The following SUPT5H variants were observed in gnomAD, a reference collection of about 807,000 sequenced individuals.
SUPT5H encodes transcription elongation factor SPT5.
SUPT5H carries 24 observed loss-of-function variants against 142.5 expected under a neutral mutation model. That is an observed-to-expected ratio of 0.17 (90% CI 0.12 to 0.24). SUPT5H has a LOEUF of 0.24. SUPT5H is among the 10% of genes least tolerant of loss of function. SUPT5H has a pLI of 1.00. For synonymous variants in SUPT5H, 546 were observed against 553.0 expected, an observed-to-expected ratio of 0.99 and a Z score of 0.18; for missense variants, 893 against 1,471.8, an observed-to-expected ratio of 0.61 and a Z score of 6.43.
intron 10 of SUPT5H, among the ~76,000 whole-genome samples, chr19:39,462,230 T>C (rs1452604131): frequency 1.3e-5 from 2 of 152,108 alleles, no homozygotes; most frequent in Non-Finnish European, 2.9e-5. Flanking sequence ...TTTTTTAAAG[T>C]GTAAACTGTG....
intron 2 of SUPT5H, among the ~76,000 whole-genome samples, chr19:39,446,353 C>T (rs577411099): frequency 1.3e-5 from 2 of 152,054 alleles, no homozygotes; most frequent in Admixed American, 6.5e-5. Flanking sequence ...TGTCTGCCTT[C>T]GGGAATGTAA....
At position 39,468,531 on chromosome 19, in the gene SUPT5H, G is replaced by A. The variant is rs1364740637; in HGVS notation, c.1038-225G>A. 4 of 574,124 alleles carry A rather than the reference G, an allele frequency of 7.0e-6. No homozygotes were observed. In the East Asian group the frequency reaches 1.2e-4, roughly 17 times the overall value. 35.6% of individuals were successfully genotyped at this position (574,124 alleles called of 1,614,324 possible). ...ACACTAGATTGTCAGATGGTGATCG[G>A]TGCTCAAAGATAAATCAGGGAATGG... On this transcript the variant is annotated intron_variant, in intron 13 of 29. Coordinates refer to ENST00000432763, the MANE Select transcript of SUPT5H (RefSeq NM_001111020.3).
intron 3 of SUPT5H, among the ~76,000 whole-genome samples, chr19:39,453,977 T>C (rs910763120): frequency 5.3e-5 from 8 of 152,226 alleles, no homozygotes; most frequent in African/African-American, 1.9e-4. Flanking sequence ...GAGGACAATT[T>C]ATTGAAGTAC....
At chr19:39,463,353 G>A (rs1048498516) in intron 10 of SUPT5H, among the ~76,000 whole-genome samples, 1 of 151,968 alleles carries the variant, frequency 6.6e-6, no homozygotes, top group Non-Finnish European at 1.5e-5. Context: ...TCTAAGCATG[G>A]CTTTTTTCAA....
Position 39,465,007 on chromosome 19 carries a change from G to A in SUPT5H, c.834G>A (p.Trp278Ter). ...KEVANLKPKS[W>*]VRLKRGIYKD... ...TGGCCAACCTGAAACCAAAGTCCTGGGTCCGCCTCAAGCGGGGCATCTACA... is the reference window on the plus strand; with the variant it reads ...TGGCCAACCTGAAACCAAAGTCCTGAGTCCGCCTCAAGCGGGGCATCTACA... Residue 278 changes from tryptophan to a stop codon, truncating the protein, a stop_gained, in exon 11 of 30, where the codon TGG (tryptophan) becomes TGA (stop). Coordinates refer to ENST00000432763, the MANE Select transcript of SUPT5H (RefSeq NM_001111020.3). LOFTEE classifies it high-confidence loss of function. 6.2e-7 allele frequency: 1 copy of A among 1,614,206 alleles called. No individual in the cohort carries two copies. The highest frequency in any genetic ancestry group is 8.5e-7 in the Non-Finnish European group (1 of 1,180,016).
intron 10 of SUPT5H, among the ~76,000 whole-genome samples, chr19:39,461,997 G>C (rs989590563): frequency 6.6e-6 from 1 of 151,354 alleles, no homozygotes; most frequent in Non-Finnish European, 1.5e-5. Context: ...GCAATGGTGT[G>C]GTCTCGGCTC....
rs371480690 is a variant in SUPT5H, at chr19:39,474,660, G to A, written c.2966G>A (p.Arg989Gln). ...WVTTDIQVKV[R>Q]DTYLDTQVVG... ...ACCACTGACATTCAGGTGAAGGTGC[G>A]GGACACCTACCTGGATACACAGGTG... The change falls in exon 28 of 30, where the codon CGG (arginine) becomes CAG (glutamine). Residue 989 changes from arginine (R) to glutamine (Q), a missense_variant. Physicochemically the swap from Arg to Gln is conservative, Grantham distance 43. Transcript: ENST00000432763. The surrounding 1 kb of genome is among the most constrained non-coding windows in gnomAD (Gnocchi z 6.5). 5.0e-6 allele frequency: 8 copies of A among 1,614,056 alleles called. No individual in the cohort carries two copies. The highest frequency in any genetic ancestry group is 1.6e-4 in the Middle Eastern group (1 of 6,062).
At chr19:39,461,352 T>C (rs2079158747) in intron 10 of SUPT5H, among the ~76,000 whole-genome samples, 2 of 151,830 alleles carry the variant, frequency 1.3e-5, no homozygotes, top group African/African-American at 4.8e-5. Context: ...CTGCCTGTCA[T>C]GGGTGAGATT....
chr19:39,476,472 C>T lies in SUPT5H; in HGVS notation c.*73C>T. On this transcript the variant is annotated 3_prime_UTR_variant, in exon 30 of 30. Transcript: ENST00000432763. ...CCTTCCCTGGCCCTTGGCTGTGACA[C>T]AAGATCCTCCTGCAGGGCTAGGCGG... 1.3e-6 allele frequency: 2 copies of T among 1,573,634 alleles called. No homozygotes were observed. Among genetic ancestry groups the T allele is most frequent in the Non-Finnish European group, 1.7e-6 (2 of 1,151,074 alleles).
intron 13 of SUPT5H, chr19:39,468,500 G>A: frequency 1.9e-6 from 1 of 539,378 alleles, no homozygotes; most frequent in Non-Finnish European, 3.3e-6. Flanking sequence ...TAGGGGGACA[G>A]GTCAAACACT....
At chr19:39,451,089 T>C (rs1238668206) in intron 2 of SUPT5H, among the ~76,000 whole-genome samples, 9 of 102,554 alleles carry the variant, frequency 8.8e-5, no homozygotes, top group Non-Finnish European at 1.5e-4. Context: ...GTTTCAGATT[T>C]TGGATTTTTT....
rs1271196050 is a variant in SUPT5H, at chr19:39,469,687, G to T, written c.1374+289G>T. On this transcript the variant is annotated intron_variant, in intron 16 of 29. Transcript: ENST00000432763. The surrounding 1 kb of genome is among the most constrained non-coding windows in gnomAD (Gnocchi z 5.1). ...TGGGTTGAGAGTGTGATTAACCAAG[G>T]AGTAATCTGAGGCTTGACTTTGTTT... 3.7e-6 allele frequency: 2 copies of T among 533,400 alleles called. No individual in the cohort carries two copies. Among genetic ancestry groups the T allele is most frequent in the African/African-American group, 3.8e-5 (2 of 52,562 alleles). 33.0% of individuals were successfully genotyped at this position (533,400 alleles called of 1,614,324 possible). A position where few individuals can be genotyped will look rare whatever the true frequency, so the allele number is the denominator to read the frequency against.
chr19:39,453,767 T>G (rs1330495063), intron 3 of SUPT5H, among the ~76,000 whole-genome samples: 3 of 152,098 alleles, frequency 2.0e-5, no homozygotes, highest in Non-Finnish European at 2.9e-5. Context: ...GGGTTTCACC[T>G]TGTTAGCCAG....
In SUPT5H at chr19:39,458,994, T is replaced by C; in HGVS notation, c.390-11T>C. On this transcript the variant is annotated splice_polypyrimidine_tract_variant and intron_variant, in intron 6 of 29. Transcript: ENST00000432763. This position sits in a 1 kb window ranked among gnomAD's most constrained non-coding sequence, Gnocchi z 4.2. Reference sequence around the variant, plus strand: ...CTTCAATTCGTGTTTGCTTCCCCACTCGTGCTCCAGGGACCAGCGAGAAGA... The same window carrying C: ...CTTCAATTCGTGTTTGCTTCCCCACCCGTGCTCCAGGGACCAGCGAGAAGA... 6.2e-7 allele frequency: 1 copy of C among 1,614,072 alleles called. No homozygotes were observed.
chr19:39,465,493 G>T (rs976649225), intron 11 of SUPT5H, among the ~76,000 whole-genome samples: 1 of 152,224 alleles, frequency 6.6e-6, no homozygotes, highest in Non-Finnish European at 1.5e-5. Flanking sequence ...TGGTGACTGT[G>T]TTGAGACTAG....
chr19:39,446,852 C>CA (rs1225219136), intron 2 of SUPT5H, among the ~76,000 whole-genome samples: 3 of 152,108 alleles, frequency 2.0e-5, no homozygotes, highest in Non-Finnish European at 4.4e-5. Context: ...ACTAAAAATA[C>CA]AAAAAAATTA....
chr19:39,466,822 CA>C lies in SUPT5H; in HGVS notation c.1037+78del. The C allele has an allele frequency of 6.9e-7, 1 of 1,449,998 alleles. No homozygotes were observed. The highest frequency in any genetic ancestry group is 9.7e-7 in the Non-Finnish European group (1 of 1,032,298). The allele number at this position is 1,449,998 out of a possible 1,614,324, so 89.8% of individuals were successfully genotyped here. On this transcript the variant is annotated intron_variant, in intron 13 of 29. Coordinates refer to ENST00000432763, the MANE Select transcript of SUPT5H (RefSeq NM_001111020.3). The surrounding 1 kb of genome is among the most constrained non-coding windows in gnomAD (Gnocchi z 4.3). ...AATGTGCCTTTTGCAGGTTCCTCCC[CA>C]GGGGTGGCCCCGCCACAGGTTTAGC...
intron 28 of SUPT5H, chr19:39,475,006 A>C (rs1264142273): frequency 1.4e-5 from 7 of 496,332 alleles, no homozygotes; most frequent in Non-Finnish European, 2.6e-5. Context: ...AAATGGAGGG[A>C]ACTGCATGTG....
chr19:39,460,428 T>C (rs992036914), intron 10 of SUPT5H, among the ~76,000 whole-genome samples: 1 of 152,230 alleles, frequency 6.6e-6, no homozygotes, highest in Non-Finnish European at 1.5e-5. Flanking sequence ...TGGTTGCCTC[T>C]CAGCATCATT....
Sources: allele counts gnomAD v4.1 joint callset (sites outside exome capture counted in the v4.1 genomes callset), GRCh38; gene constraint gnomAD v4.1.1; non-coding constraint Gnocchi (gnomAD v3.1); transcripts MANE v1.5; gene names NCBI Gene and HGNC (gene_info 2026-07-23, HGNC 2026-07-21).